TLK2: variants seen among roughly 807,000 people sequenced by gnomAD.
TLK2 encodes the protein tousled like kinase 2.
Under a neutral mutation model 117.3 loss-of-function variants are expected in TLK2, and 6 were observed. That is an observed-to-expected ratio of 0.05 (90% CI 0.03 to 0.10). The LOEUF (loss-of-function observed/expected upper bound fraction) is 0.10. Ranked by LOEUF, TLK2 falls within the 10% of genes least tolerant of loss-of-function variation. TLK2 has a pLI of 1.00. For synonymous variants in TLK2, 257 were observed against 316.7 expected (o/e 0.81, Z 2.00); for missense variants, 299 against 901.2 (o/e 0.33, Z 8.56).
intron 16 of TLK2, among the ~76,000 whole-genome samples, chr17:62,588,201 C>T (rs2081797663): frequency 6.6e-6 from 1 of 151,918 alleles, no homozygotes. Flanking sequence ...TGTGCTGAGA[C>T]GTATATGTAT....
At chr17:62,520,723 T>C (rs1235034700) in intron 2 of TLK2, 50 bp from the exon 3 acceptor site, 1 of 1,511,712 alleles carries the variant, frequency 6.6e-7, no homozygotes, top group East Asian at 2.4e-5. Flanking sequence ...TCAGTTTTGC[T>C]ATCCTCTTAG....
At chr17:62,484,343 C>T (rs2072067949) in intron 2 of TLK2, among the ~76,000 whole-genome samples, 1 of 151,920 alleles carries the variant, frequency 6.6e-6, no homozygotes, top group African/African-American at 2.4e-5. Flanking sequence ...GTTGCCCAGG[C>T]TGGAGTGCAG....
chr17:62,553,679 A>G lies in TLK2; in HGVS notation c.644A>G (p.Glu215Gly). The change falls in exon 9 of 22, where the codon GAA becomes GGA. Residue 215 changes from glutamate to glycine, a missense_variant. Glu to Gly is a moderately conservative substitution (Grantham distance 98). This residue lies in a region of TLK2 where 94 missense variants were observed against 282.6 expected (regional missense o/e 0.33). Coordinates refer to ENST00000346027, the MANE Select transcript of TLK2 (RefSeq NM_006852.6). ...HRQTQSDLTI[E>G]KISALENSKN... The stretch of plus-strand genomic sequence containing the variant: ...TCTCTGTAGTCCGACCTCACAATAG[A>G]AAAAATATCTGCACTAGAAAACAGT... 6.2e-7 allele frequency: 1 copy of G among 1,611,740 alleles called. No homozygotes were observed. Among genetic ancestry groups the G allele is most frequent in the Non-Finnish European group, 8.5e-7 (1 of 1,178,074 alleles).
At chr17:62,608,999 T>A (rs2083522987) in intron 21 of TLK2, among the ~76,000 whole-genome samples, 1 of 152,228 alleles carries the variant, frequency 6.6e-6, no homozygotes, top group Non-Finnish European at 1.5e-5. Context: ...ATTAACCAGT[T>A]CTACTTAGGT....
intron 3 of TLK2, among the ~76,000 whole-genome samples, chr17:62,521,601 C>T (rs1253859498): frequency 3.3e-5 from 5 of 152,022 alleles, no homozygotes; most frequent in Non-Finnish European, 1.5e-5. Flanking sequence ...GCTATGTTGC[C>T]CAGGCTGGTC....
At chr17:62,555,568 C>T (rs1399187358) in intron 9 of TLK2, among the ~76,000 whole-genome samples, 9 of 148,348 alleles carry the variant, frequency 6.1e-5, no homozygotes, top group African/African-American at 9.8e-5. Context: ...CTGCAACCTC[C>T]GCCTCCTGGG....
intron 7 of TLK2, among the ~76,000 whole-genome samples, chr17:62,541,386 T>A (rs2077522041): frequency 2.0e-5 from 3 of 152,184 alleles, no homozygotes; most frequent in Admixed American, 2.0e-4. Flanking sequence ...TTGCATGAGT[T>A]AGTAAAAGCA....
intron 10 of TLK2, 115 bp from the exon 11 acceptor site, chr17:62,564,886 G>A: frequency 7.6e-7 from 1 of 1,317,012 alleles, no homozygotes; most frequent in South Asian, 1.5e-5. Context: ...GTTCTGAGAA[G>A]TGTATGGTTT....
chr17:62,607,365 A>G (rs2083384296), intron 20 of TLK2, among the ~76,000 whole-genome samples: 1 of 139,552 alleles, frequency 7.2e-6, no homozygotes, highest in Admixed American at 7.2e-5. Context: ...TAAAATTACC[A>G]AAAAAAAAAA....
At chr17:62,481,689 TTTATTTTTG>T (rs2071667167) in intron 2 of TLK2, among the ~76,000 whole-genome samples, 1 of 152,102 alleles carries the variant, frequency 6.6e-6, no homozygotes, top group Non-Finnish European at 1.5e-5. Flanking sequence ...CTTCTTAGTT[TTTATTTTTG>T]TTGCAGGAGC....
chr17:62,524,195 C>G, intron 5 of TLK2, 41 bp from the exon 6 acceptor site: 3 of 1,609,780 alleles, frequency 1.9e-6, no homozygotes, highest in Non-Finnish European at 2.5e-6. Flanking sequence ...AAGCATAGTA[C>G]TGTTTTGAAT....
intron 15 of TLK2, 57 bp from the exon 16 acceptor site, chr17:62,586,078 C>T (rs2081587917): frequency 1.5e-6 from 2 of 1,305,666 alleles, no homozygotes; most frequent in Non-Finnish European, 2.2e-6. Flanking sequence ...AGCTTCACAT[C>T]AGTTACCTGT....
chr17:62,609,167 G>A (rs898415131), intron 21 of TLK2, among the ~76,000 whole-genome samples: 2 of 152,016 alleles, frequency 1.3e-5, no homozygotes, highest in East Asian at 1.9e-4. Context: ...CCACAGCCTC[G>A]ACCTCCCCAG....
At chr17:62,474,402 TTTTA>T (rs1482434952), upstream of TLK2, among the ~76,000 whole-genome samples, 5 of 142,560 alleles carry the variant, frequency 3.5e-5, no homozygotes, top group East Asian at 4.4e-4. Context: ...AATGACATAA[TTTTA>T]TTTATTTATT....
intron 2 of TLK2, among the ~76,000 whole-genome samples, chr17:62,498,497 C>G (rs1485521831): frequency 6.6e-6 from 1 of 150,916 alleles, no homozygotes; most frequent in Admixed American, 6.6e-5. Context: ...TCAAGCGATT[C>G]TCCTTTCTCA....
rs145809698 is a variant in TLK2 at position 62,552,487 on chromosome 17, T to C, written c.627+90T>C. The C allele has an allele frequency of 1.4e-5, 22 of 1,572,502 alleles. No individual in the cohort carries two copies. In the Admixed American group the frequency reaches 1.5e-4, roughly 11 times the overall value. On this transcript the variant is annotated intron_variant, in intron 8 of 21. Coordinates refer to ENST00000346027, the MANE Select transcript of TLK2 (RefSeq NM_006852.6). ...TGTAGTCTGTCATTCTTCTCTGACT[T>C]CTCTGTATTTCTCTGACCACCTCAT... is the stretch of plus-strand genomic sequence containing the variant.
intron 6 of TLK2, among the ~76,000 whole-genome samples, chr17:62,530,222 C>T (rs1023234010): frequency 4.1e-4 from 63 of 151,904 alleles, no homozygotes; most frequent in African/African-American, 1.4e-3. Context: ...TGCAGTGAAC[C>T]GAGATCACAC....
chr17:62,520,554 GTAA>G (rs1016498634), intron 2 of TLK2, among the ~76,000 whole-genome samples: 1 of 151,702 alleles, frequency 6.6e-6, no homozygotes, highest in African/African-American at 2.4e-5. Context: ...GTGGGCACCT[GTAA>G]TCCCAGCTAC....
At chr17:62,486,477 A>G (rs1004173703) in intron 2 of TLK2, among the ~76,000 whole-genome samples, 10 of 152,228 alleles carry the variant, frequency 6.6e-5, no homozygotes, top group African/African-American at 2.4e-4. Context: ...CCTCTTTTTA[A>G]AGACCTCTTC....
Sources: allele counts gnomAD v4.1 joint callset (sites outside exome capture counted in the v4.1 genomes callset), GRCh38; gene constraint gnomAD v4.1.1; regional missense constraint gnomAD v4.1.1; transcripts MANE v1.5; gene names NCBI Gene and HGNC (gene_info 2026-07-23, HGNC 2026-07-21).